Variants in SOX5 observed in about 807,000 individuals in gnomAD.
The protein encoded by SOX5 is SRY-box transcription factor 5, also known as transcription factor SOX-5.
SOX5 carries 9 observed loss-of-function variants against 92.0 expected under a neutral mutation model. That is an observed-to-expected ratio of 0.10 (90% CI 0.06 to 0.17). The LOEUF is 0.17. Among genes scored for constraint, SOX5 ranks in the 10% least tolerant of loss-of-function variants. The pLI is 1.00. For missense variants in SOX5, 642 were observed against 944.5 expected, an observed-to-expected ratio of 0.68 and a Z score of 4.20; for synonymous variants, 344 against 336.3, an observed-to-expected ratio of 1.02 and a Z score of -0.25.
intron 4 of SOX5, among the ~76,000 whole-genome samples, chr12:24,033,895 T>C (rs918718826): frequency 4.6e-5 from 7 of 152,122 alleles, no homozygotes; most frequent in African/African-American, 1.7e-4. Context: ...AGTTCCCTTT[T>C]TTTGCTTGTT....
chr12:23,981,232 C>G lies in SOX5; in HGVS notation c.-1-85208G>C, dbSNP rs530448314. 1.3e-3 allele frequency among the ~76,000 whole-genome samples: 192 copies of G among 152,182 alleles called. 1 individual carries two copies. Among genetic ancestry groups the G allele is most frequent in the African/African-American group, 4.3e-3 (179 of 41,514 alleles). On this transcript the variant is annotated intron_variant, in intron 4 of 4. Transcript: ENST00000446891. ...ATTCTTAGTGGAGGACATGGAAGTT[C>G]GTAGCCTTCATTTAGGGATTTTATT...
intron 1 of SOX5, among the ~76,000 whole-genome samples, chr12:24,509,910 C>T (rs1481395853): frequency 2.6e-5 from 4 of 152,306 alleles, no homozygotes; most frequent in African/African-American, 9.6e-5. Flanking sequence ...TCATAAAGTC[C>T]AGGCAATGAC....
intron 12 of SOX5, among the ~76,000 whole-genome samples, chr12:23,545,151 A>G (rs1208862256): frequency 6.6e-6 from 1 of 152,222 alleles, no homozygotes; most frequent in Admixed American, 6.5e-5. Context: ...TGGTCTTAAA[A>G]GTAGAATTGG....
intron 11 of SOX5, among the ~76,000 whole-genome samples, chr12:23,553,437 T>G (rs1389630000): frequency 6.6e-6 from 1 of 151,958 alleles, no homozygotes; most frequent in East Asian, 1.9e-4. Context: ...AAACAAACAA[T>G]TCACCAAGAA....
Position 24,336,149 on chromosome 12 carries a change from C to T in SOX5, c.-174+32414G>A, listed in dbSNP as rs560927724. Among the ~76,000 whole-genome samples, 245 of 151,350 alleles carry T rather than the reference C, an allele frequency of 1.6e-3. 1 individual carries two copies. The highest frequency in any genetic ancestry group is 5.8e-3 in the African/African-American group (239 of 41,204). On this transcript the variant is annotated intron_variant, in intron 2 of 4. Coordinates refer to the SOX5 transcript ENST00000446891. ...TCGCTCTGTCACCCAGGCTGGAGTG[C>T]AGTGGTCCAATCTTGGCTCACTGCA... is the stretch of plus-strand genomic sequence containing the variant.
intron 2 of SOX5, among the ~76,000 whole-genome samples, chr12:24,290,811 C>G (rs1946538033): frequency 6.6e-6 from 1 of 152,188 alleles, no homozygotes; most frequent in Non-Finnish European, 1.5e-5. Context: ...CAGCCTTCTC[C>G]AGGAGCCACC....
chr12:23,762,991 T>C (rs1160058880), intron 3 of SOX5, among the ~76,000 whole-genome samples: 1 of 152,182 alleles, frequency 6.6e-6, no homozygotes, highest in Non-Finnish European at 1.5e-5. Context: ...ACTCTTTGTT[T>C]TGTTCTTATT....
chr12:24,288,736 C>CAAG (rs1044161383), intron 2 of SOX5, among the ~76,000 whole-genome samples: 14 of 115,916 alleles, frequency 1.2e-4, no homozygotes, highest in African/African-American at 3.5e-4. Context: ...AACCTTGCAA[C>CAAG]AATGCATGTC....
At chr12:24,236,797 T>A (rs1374021970) in intron 3 of SOX5, among the ~76,000 whole-genome samples, 3 of 152,138 alleles carry the variant, frequency 2.0e-5, no homozygotes, top group Non-Finnish European at 4.4e-5. Flanking sequence ...TCTGTAATGA[T>A]TCACAGTAGA....
intron 4 of SOX5, among the ~76,000 whole-genome samples, chr12:24,199,772 A>G (rs373610477): frequency 6.6e-6 from 1 of 152,232 alleles, no homozygotes. Context: ...CTACCACTGC[A>G]GTATTATCAA....
At position 24,393,607 on chromosome 12, in the gene SOX5, G is replaced by C. The variant is rs1377758830; in HGVS notation, c.-250-24968C>G. 6.6e-6 allele frequency among the ~76,000 whole-genome samples: 1 copy of C among 152,160 alleles called. No homozygotes were observed. Among genetic ancestry groups the C allele is most frequent in the Non-Finnish European group, 1.5e-5 (1 of 68,022 alleles). ...ATTAAGTAACTAAGCAAAAAATTAT[G>C]AAATAGATAATCTTTTATACGGATT... On this transcript the variant is annotated intron_variant, in intron 1 of 4. Transcript: ENST00000446891. This position sits in a 1 kb window ranked among gnomAD's most constrained non-coding sequence, Gnocchi z 5.0.
intron 3 of SOX5, among the ~76,000 whole-genome samples, chr12:23,802,054 A>T (rs1421628097): frequency 6.6e-6 from 1 of 152,018 alleles, no homozygotes; most frequent in African/African-American, 2.4e-5. Context: ...GGAACATTTA[A>T]TTCTTTTCTT....
intron 7 of SOX5, among the ~76,000 whole-genome samples, chr12:23,644,340 CA>C (rs1329575685): frequency 6.6e-6 from 1 of 152,168 alleles, no homozygotes; most frequent in African/African-American, 2.4e-5. Context: ...ACCTGGACTA[CA>C]GTGGGAAAGA....
chr12:23,831,375 A>G (rs958901509), intron 3 of SOX5, among the ~76,000 whole-genome samples: 1 of 152,108 alleles, frequency 6.6e-6, no homozygotes, highest in Non-Finnish European at 1.5e-5. Flanking sequence ...AGTCCCACAA[A>G]TGGTACAGGT....
intron 4 of SOX5, among the ~76,000 whole-genome samples, chr12:24,137,204 C>CGGCAT (rs879443466): frequency 6.6e-6 from 1 of 152,114 alleles, no homozygotes; most frequent in African/African-American, 2.4e-5. Flanking sequence ...CAATTATGGA[C>CGGCAT]GGCATATGTG....
chr12:23,802,829 T>C (rs564702782), intron 3 of SOX5, among the ~76,000 whole-genome samples: 2 of 152,290 alleles, frequency 1.3e-5, no homozygotes, highest in South Asian at 2.1e-4. Flanking sequence ...TACCATCTTA[T>C]TGTGTCCCTT....
intron 3 of SOX5, among the ~76,000 whole-genome samples, chr12:23,829,423 A>G (rs1291231969): frequency 6.6e-6 from 1 of 152,136 alleles, no homozygotes; most frequent in East Asian, 1.9e-4. Context: ...AATGTGAGGG[A>G]AAAGAGGCCT....
At chr12:23,892,788 G>A (rs17477268) in intron 2 of SOX5, among the ~76,000 whole-genome samples, 47,501 of 152,060 alleles carry the variant, frequency 0.31, 8,555 homozygotes, top group Non-Finnish European at 0.42. Flanking sequence ...TAGAATAACG[G>A]ATCTTAACCT....
At chr12:23,582,232 T>C (rs1950142644) in intron 9 of SOX5, 3 of 985,072 alleles carry the variant, frequency 3.0e-6, no homozygotes, top group South Asian at 4.7e-5. Context: ...GGGAGCCCTC[T>C]TTCACCTCTC....
Sources: allele counts gnomAD v4.1 joint callset (sites outside exome capture counted in the v4.1 genomes callset), GRCh38; gene constraint gnomAD v4.1.1; non-coding constraint Gnocchi (gnomAD v3.1); transcripts MANE v1.5; gene names NCBI Gene and HGNC (gene_info 2026-07-23, HGNC 2026-07-21).